Variants in FAF2 observed in about 807,000 individuals in gnomAD.
The protein encoded by FAF2 is FAS-associated factor 2.
A neutral mutation model predicts 62.3 loss-of-function variants in FAF2; 9 were observed. The observed-to-expected ratio is 0.14, with a 90% confidence interval of 0.09 to 0.25. FAF2 has a LOEUF of 0.25. Among genes scored for constraint, FAF2 ranks in the 10% least tolerant of loss-of-function variants. FAF2 has a pLI of 1.00. For missense variants in FAF2, 368 were observed against 556.2 expected (o/e 0.66, Z 3.40); for synonymous variants, 202 against 198.0 (o/e 1.02, Z -0.17).
chr5:176,507,907 CAT>C lies in FAF2; in HGVS notation c.*958_*959del, dbSNP rs1755712546. The C allele has an allele frequency of 6.5e-6, 1 of 152,708 alleles. No homozygotes were observed. Among genetic ancestry groups the C allele is most frequent in the Non-Finnish European group, 1.5e-5 (1 of 68,124 alleles). The allele number at this position is 152,708 out of a possible 1,614,324, so 9.5% of individuals were successfully genotyped here. On this transcript the variant is annotated 3_prime_UTR_variant, in exon 11 of 11. Transcript: ENST00000261942. ...TAGCAGCTCTTCATTCCTCTTCTGACATGTGCATGCTGCTCCCCCCAGCCCTG... is the reference window on the plus strand; with the variant it reads ...TAGCAGCTCTTCATTCCTCTTCTGACGTGCATGCTGCTCCCCCCAGCCCTG...
At chr5:176,489,323 C>T (rs886066649) in intron 4 of FAF2, among the ~76,000 whole-genome samples, 15 of 140,962 alleles carry the variant, frequency 1.1e-4, no homozygotes, top group African/African-American at 3.9e-4. Flanking sequence ...CACCTCTACA[C>T]TTCCTAGTTG....
intron 1 of FAF2, among the ~76,000 whole-genome samples, chr5:176,472,719 C>T (rs1480448317): frequency 1.8e-5 from 2 of 108,472 alleles, no homozygotes; most frequent in Admixed American, 9.3e-5. Flanking sequence ...TTCATCTCTA[C>T]AAAAAAAAAA....
chr5:176,491,270 C>T (rs1314344795), intron 4 of FAF2, among the ~76,000 whole-genome samples: 1 of 152,186 alleles, frequency 6.6e-6, no homozygotes, highest in African/African-American at 2.4e-5. Context: ...CTGTTGCCTT[C>T]TCTGGAAACC....
chr5:176,463,223 G>A (rs1477918513), intron 1 of FAF2, among the ~76,000 whole-genome samples: 5 of 151,858 alleles, frequency 3.3e-5, no homozygotes, highest in African/African-American at 9.7e-5. Context: ...GCAAAACCCC[G>A]TCTCTACTAA....
chr5:176,505,792 TCATTC>T (rs1235137436), intron 10 of FAF2, among the ~76,000 whole-genome samples: 1 of 152,184 alleles, frequency 6.6e-6, no homozygotes, highest in Non-Finnish European at 1.5e-5. Context: ...TGCCATTAAT[TCATTC>T]CTTTTTATGG....
At chr5:176,504,139 C>G (rs930331596) in intron 10 of FAF2, among the ~76,000 whole-genome samples, 1 of 151,284 alleles carries the variant, frequency 6.6e-6, no homozygotes, top group Admixed American at 6.6e-5. Context: ...CAAGTTTGTA[C>G]AAGTGTTAGG....
rs1312355636 is a variant in FAF2, at chr5:176,500,125, C to T, written c.1134C>T (p.Phe378=). Residue 378 remains phenylalanine, a synonymous_variant, in exon 10 of 11, where the codon TTC becomes TTT. Coordinates refer to ENST00000261942, the MANE Select transcript of FAF2 (RefSeq NM_014613.3). The stretch of plus-strand genomic sequence containing the variant: ...ATGATTCTCGAGTAGAGAGACGATT[C>T]CACTTTTCACAGTCTCTAACAGTAA... ...LPNDSRVERR[F]HFSQSLTVIH... 5 of 1,613,958 alleles carry T rather than the reference C, an allele frequency of 3.1e-6. No individual in the cohort carries two copies. Among genetic ancestry groups the T allele is most frequent in the Non-Finnish European group, 4.2e-6 (5 of 1,179,994 alleles).
chr5:176,493,808 GTT>G (rs1447856127), intron 5 of FAF2, among the ~76,000 whole-genome samples, 189 bp from the exon 6 acceptor site: 1 of 152,176 alleles, frequency 6.6e-6, no homozygotes, highest in African/African-American at 2.4e-5. Context: ...TTAGCGTGGA[GTT>G]TCTATAGGGA....
intron 1 of FAF2, chr5:176,453,487 T>G (rs192626815): frequency 1.3e-5 from 2 of 152,220 alleles, no homozygotes; most frequent in African/African-American, 4.8e-5. Flanking sequence ...GGCTGTAGAA[T>G]CAAATTTATA....
Position 176,508,767 on chromosome 5 carries a change from CCA to C in FAF2, c.*1818_*1819del, listed in dbSNP as rs1755729265. 1 of 152,180 alleles carries C rather than the reference CCA, an allele frequency of 6.6e-6. No homozygotes were observed. Among genetic ancestry groups the C allele is most frequent in the Non-Finnish European group, 1.5e-5 (1 of 68,042 alleles). 9.4% of individuals were successfully genotyped at this position (152,180 alleles called of 1,614,324 possible). ...TATCTGGCGTGAACAGCAGGATAAC[CCA>C]TGTTCTCCACATAAGGATAACCTTA... On this transcript the variant is annotated 3_prime_UTR_variant, in exon 11 of 11. Coordinates refer to ENST00000261942, the MANE Select transcript of FAF2 (RefSeq NM_014613.3).
chr5:176,464,842 A>G (rs1438773914), intron 1 of FAF2, among the ~76,000 whole-genome samples: 2 of 151,738 alleles, frequency 1.3e-5, no homozygotes, highest in South Asian at 4.2e-4. Flanking sequence ...TTACAAGATT[A>G]TATTGCAGAT....
In FAF2 at chr5:176,496,420, A is replaced by G. The variant is rs575207210; in HGVS notation, c.662-66A>G. ...AACAGTTCTCTCTCACTCATTGTGG[A>G]AAGTCTAAGGGTTGATCTTTTTCAC... is the stretch of plus-strand genomic sequence containing the variant. On this transcript the variant is annotated intron_variant, in intron 7 of 10. Transcript: ENST00000261942. 6.2e-6 allele frequency: 8 copies of G among 1,284,046 alleles called. No homozygotes were observed. The East Asian group carries it at 2.1e-4, about 34-fold the overall frequency. The allele number at this position is 1,284,046 out of a possible 1,614,324, so 79.5% of individuals were successfully genotyped here. A position where few individuals can be genotyped will look rare whatever the true frequency, so the allele number is the denominator to read the frequency against.
At chr5:176,470,359 C>T (rs1231152243) in intron 1 of FAF2, among the ~76,000 whole-genome samples, 1 of 152,234 alleles carries the variant, frequency 6.6e-6, no homozygotes, top group East Asian at 1.9e-4. Flanking sequence ...GGGCGGATCA[C>T]CTGAGGTCGG....
intron 10 of FAF2, among the ~76,000 whole-genome samples, chr5:176,502,407 C>A (rs942097862): frequency 1.3e-5 from 2 of 151,460 alleles, no homozygotes; most frequent in Admixed American, 1.3e-4. Flanking sequence ...ATGGAGAAAC[C>A]CTGTCTCTAC....
intron 9 of FAF2, 41 bp from the exon 10 acceptor site, chr5:176,499,962 T>A: frequency 6.2e-7 from 1 of 1,607,706 alleles, no homozygotes; most frequent in Admixed American, 1.7e-5. Context: ...TTGTATTTAT[T>A]TCTTGAGCTG....
At chr5:176,473,945 A>G (rs923586518) in intron 1 of FAF2, among the ~76,000 whole-genome samples, 2 of 152,148 alleles carry the variant, frequency 1.3e-5, no homozygotes, top group Non-Finnish European at 2.9e-5. Context: ...GGCACATCTT[A>G]TATATTTCCG....
intron 2 of FAF2, among the ~76,000 whole-genome samples, chr5:176,483,361 CTTGTT>C (rs1390305268): frequency 6.6e-6 from 1 of 152,120 alleles, no homozygotes; most frequent in Admixed American, 6.5e-5. Context: ...GATTTATACC[CTTGTT>C]TTAAGAGTTT....
intron 1 of FAF2, among the ~76,000 whole-genome samples, chr5:176,474,977 C>G (rs920422053): frequency 5.3e-5 from 8 of 152,146 alleles, no homozygotes; most frequent in African/African-American, 1.9e-4. Context: ...TAGTACTGAT[C>G]AGTAGTAATT....
intron 1 of FAF2, among the ~76,000 whole-genome samples, chr5:176,478,321 A>G (rs541873260): frequency 6.6e-6 from 1 of 152,308 alleles, no homozygotes; most frequent in Admixed American, 6.5e-5. Context: ...TACAAAAAAC[A>G]TCCAAAATTT....
Sources: gnomAD v4.1 joint callset for allele counts (sites outside exome capture counted in the v4.1 genomes callset) on GRCh38, gnomAD v4.1.1 for gene constraint, MANE v1.5 for transcripts, NCBI Gene and HGNC (gene_info 2026-07-23, HGNC 2026-07-21) for gene names.